Variants in TENM3 observed in about 807,000 individuals in gnomAD.
TENM3 encodes the protein teneurin-3.
TENM3 carries 63 observed loss-of-function variants against 255.1 expected under a neutral mutation model. That is an observed-to-expected ratio of 0.25 (90% CI 0.20 to 0.30). TENM3 has a LOEUF of 0.30. Among genes scored for constraint, TENM3 ranks in the 10% least tolerant of loss-of-function variants. The pLI, the probability that TENM3 is intolerant of heterozygous loss-of-function variation, is 1.00. For synonymous variants in TENM3, 1,306 were observed against 1,322.3 expected, an observed-to-expected ratio of 0.99 and a Z score of 0.27; for missense variants, 2,929 against 3,461.1, an observed-to-expected ratio of 0.85 and a Z score of 3.86.
chr4:182,347,675 G>A (rs917701989), intron 3 of TENM3, among the ~76,000 whole-genome samples: 1 of 152,040 alleles, frequency 6.6e-6, no homozygotes, highest in Admixed American at 6.5e-5. Flanking sequence ...TTTTTTAAAA[G>A]TTAATTTATA....
chr4:181,939,348 CTGTT>C, the TENM3 span, among the ~76,000 whole-genome samples: 3 of 152,150 alleles, frequency 2.0e-5, no homozygotes, highest in East Asian at 5.8e-4. Context: ...TGTAGCCTGT[CTGTT>C]CACCAAAAAG....
intron 3 of TENM3, among the ~76,000 whole-genome samples, chr4:182,514,884 A>G (rs1470244755): frequency 6.6e-6 from 1 of 152,196 alleles, no homozygotes; most frequent in African/African-American, 2.4e-5. Flanking sequence ...AATACCAAGC[A>G]TTTAAAATTT....
At chr4:181,689,978 G>C in the TENM3 span, among the ~76,000 whole-genome samples, 1,142 of 152,256 alleles carry the variant, frequency 7.5e-3, 16 homozygotes, top group African/African-American at 0.026. Context: ...TGGATGGAGA[G>C]GTGATGCAGG....
intron 1 of TENM3, among the ~76,000 whole-genome samples, chr4:182,182,449 G>T (rs925896625): frequency 3.3e-5 from 5 of 152,156 alleles, no homozygotes; most frequent in African/African-American, 1.2e-4. Context: ...TCAGCAGAGG[G>T]TCCAGGAGGT....
chr4:181,767,902 T>C, the TENM3 span, among the ~76,000 whole-genome samples: 1 of 152,146 alleles, frequency 6.6e-6, no homozygotes, highest in Non-Finnish European at 1.5e-5. Context: ...AGGACATCCA[T>C]GAAAATGGTT....
chr4:182,165,492 C>A (rs1194161539), intron 1 of TENM3, among the ~76,000 whole-genome samples: 1 of 152,132 alleles, frequency 6.6e-6, no homozygotes, highest in Non-Finnish European at 1.5e-5. Context: ...CCGTCGTGTT[C>A]CTGAGCTGCT....
chr4:181,461,691 A>C, the TENM3 span, among the ~76,000 whole-genome samples: 65,501 of 151,856 alleles, frequency 0.43, 14,607 homozygotes, highest in Non-Finnish European at 0.49. Context: ...TGTATTTTTT[A>C]TCTTTAGAAG....
chr4:181,479,340 C>T, the TENM3 span, among the ~76,000 whole-genome samples: 2 of 152,168 alleles, frequency 1.3e-5, no homozygotes, highest in Non-Finnish European at 2.9e-5. Context: ...CTTCAATTGC[C>T]TACGCATCAC....
chr4:182,241,315 A>G (rs1231181674), upstream of TENM3, among the ~76,000 whole-genome samples: 3 of 152,104 alleles, frequency 2.0e-5, no homozygotes, highest in East Asian at 5.8e-4. Context: ...TGATTCATTC[A>G]ATAATGAGAG....
At chr4:181,635,532 C>T in the TENM3 span, among the ~76,000 whole-genome samples, 3 of 152,126 alleles carry the variant, frequency 2.0e-5, no homozygotes, top group Non-Finnish European at 4.4e-5. Flanking sequence ...AGTGTGGGTT[C>T]CACCATGCTG....
the TENM3 span, among the ~76,000 whole-genome samples, chr4:181,841,111 T>C: frequency 1.3e-5 from 2 of 152,150 alleles, no homozygotes; most frequent in African/African-American, 2.4e-5. Context: ...AATATTCTTA[T>C]GGGATGTAGA....
intron 3 of TENM3, among the ~76,000 whole-genome samples, chr4:182,347,774 A>G (rs1407044980): frequency 1.3e-5 from 2 of 152,206 alleles, no homozygotes; most frequent in Non-Finnish European, 2.9e-5. Flanking sequence ...CAGCAAACAA[A>G]AAATTCTCCT....
intron 3 of TENM3, among the ~76,000 whole-genome samples, chr4:182,432,193 G>A (rs530561467): frequency 4.1e-4 from 62 of 152,154 alleles, no homozygotes; most frequent in African/African-American, 1.4e-3. Flanking sequence ...AGAAGAAGAC[G>A]ACATGAAATG....
the TENM3 span, among the ~76,000 whole-genome samples, chr4:181,564,033 C>CTTTTTTTT: frequency 2.2e-4 from 11 of 49,470 alleles, 1 homozygote; most frequent in South Asian, 1.2e-3. Flanking sequence ...CTTTTCTTTT[C>CTTTTTTTT]TTTTTTCTTT....
chr4:182,238,679 C>T (rs557548354), upstream of TENM3, among the ~76,000 whole-genome samples: 3 of 152,282 alleles, frequency 2.0e-5, no homozygotes, highest in East Asian at 3.9e-4. Flanking sequence ...CCCTGACTGT[C>T]GGTGCTCAGT....
chr4:181,705,587 CTCT>C, the TENM3 span, among the ~76,000 whole-genome samples: 3 of 151,424 alleles, frequency 2.0e-5, no homozygotes, highest in Non-Finnish European at 4.4e-5. Flanking sequence ...TTGGTTATCT[CTCT>C]TTTTTCAACT....
chr4:181,611,491 T>C, the TENM3 span, among the ~76,000 whole-genome samples: 2 of 152,178 alleles, frequency 1.3e-5, no homozygotes, highest in African/African-American at 2.4e-5. Flanking sequence ...GGCCACTTTA[T>C]TTTAAGGCAT....
the TENM3 span, among the ~76,000 whole-genome samples, chr4:181,934,736 T>G: frequency 6.6e-6 from 1 of 152,220 alleles, no homozygotes; most frequent in East Asian, 1.9e-4. Context: ...ATGTGGTGTC[T>G]AATGGCATAA....
At chr4:182,302,085 C>T (rs1761886820) in intron 1 of TENM3, among the ~76,000 whole-genome samples, 2 of 152,080 alleles carry the variant, frequency 1.3e-5, no homozygotes, top group Admixed American at 6.6e-5. Context: ...GGATTAATTG[C>T]TTTTACTGGA....
Sources: gnomAD v4.1 joint callset for allele counts (sites outside exome capture counted in the v4.1 genomes callset) on GRCh38, gnomAD v4.1.1 for gene constraint, MANE v1.5 for transcripts, NCBI Gene and HGNC (gene_info 2026-07-23, HGNC 2026-07-21) for gene names.